NUDT4: variants seen among roughly 807,000 people sequenced by gnomAD.
The protein encoded by NUDT4 is nudix hydrolase 4.
Under a neutral mutation model 23.1 loss-of-function variants are expected in NUDT4, and 5 were observed. That is an observed-to-expected ratio of 0.22 (90% confidence interval 0.11 to 0.46). The LOEUF (loss-of-function observed/expected upper bound fraction) is 0.46. NUDT4 is among the 20% of genes least tolerant of loss of function. The pLI, the probability that NUDT4 is intolerant of heterozygous loss-of-function variation, is 0.99. For missense variants in NUDT4, 96 were observed against 211.6 expected (o/e 0.45, Z 3.39); for synonymous variants, 50 against 79.0 (o/e 0.63, Z 1.95).
intron 1 of NUDT4, among the ~76,000 whole-genome samples, chr12:93,386,476 A>T (rs934571585): frequency 2.0e-5 from 3 of 152,020 alleles, no homozygotes; most frequent in African/African-American, 7.3e-5. Context: ...GCTACTCAGG[A>T]GGCTTACGCA....
rs763654534 is a variant in NUDT4, at chr12:93,404,810, G to C, written c.*5431G>C. On this transcript the variant is annotated 3_prime_UTR_variant, in exon 5 of 5. Coordinates refer to ENST00000415493, the MANE Select transcript of NUDT4 (RefSeq NM_019094.6). ...GGTTTAAAAAATGTTTTGGGAAATA[G>C]ACATGAGCAGGGCAGAGAACTACAA... The C allele has an allele frequency of 1.3e-5, 2 of 152,016 alleles. No homozygotes were observed. Among genetic ancestry groups the C allele is most frequent in the South Asian group, 4.1e-4 (2 of 4,826 alleles). The allele number at this position is 152,016 out of a possible 1,614,324, so 9.4% of individuals were successfully genotyped here.
rs1045688190 is a variant in NUDT4, at chr12:93,384,246, CAA to C, written c.99+5827_99+5828del. Among the ~76,000 whole-genome samples, 6 of 152,034 alleles carry C rather than the reference CAA, an allele frequency of 3.9e-5. No homozygotes were observed. In the South Asian group the frequency reaches 8.3e-4, roughly 21 times the overall value. On this transcript the variant is annotated intron_variant, in intron 1 of 4. Transcript: ENST00000415493. The stretch of plus-strand genomic sequence containing the variant: ...GCAGTGGTGCAATCTCAGCTCACTG[CAA>C]ACTCTGCCTCCTGGATTCAAGCGAT...
chr12:93,398,835 G>A lies in NUDT4; in HGVS notation c.320G>A (p.Trp107Ter). The change falls in exon 4 of 5, where the codon TGG becomes TAG. Residue 107 changes from tryptophan (W) to a stop codon, truncating the protein, a stop_gained. Transcript: ENST00000415493. LOFTEE classifies it high-confidence loss of function. ...VLTVTEILED[W>*]EDSVNIGRKR... ...ACAGTCACTGAAATATTAGAAGATT[G>A]GGAAGATTCTGTTAATATTGGTAAG... 2 of 1,587,182 alleles carry A rather than the reference G, an allele frequency of 1.3e-6. No individual in the cohort carries two copies. The highest frequency in any genetic ancestry group is 1.7e-6 in the Non-Finnish European group (2 of 1,156,994).
chr12:93,387,264 G>A (rs557115996), intron 1 of NUDT4, among the ~76,000 whole-genome samples: 5 of 152,134 alleles, frequency 3.3e-5, no homozygotes, highest in East Asian at 1.9e-4. Context: ...TTTACAAAAC[G>A]TGTTTTTTCA....
chr12:93,385,941 T>TATATATATATATATA lies in NUDT4; in HGVS notation c.99+7520_99+7521insATATATATATATATA, dbSNP rs1565777284. Reference sequence around the variant, plus strand: ...ATATATATATATATAGTAAATCTTTTTATATATATATATATATATATATAT... The same window carrying TATATATATATATATA: ...ATATATATATATATAGTAAATCTTTTATATATATATATATATATATATATATATATATATATATAT... On this transcript the variant is annotated intron_variant, in intron 1 of 4. Coordinates refer to ENST00000415493, the MANE Select transcript of NUDT4 (RefSeq NM_019094.6). 1.8e-3 allele frequency among the ~76,000 whole-genome samples: 185 copies of TATATATATATATATA among 104,574 alleles called. 3 individuals are homozygous for TATATATATATATATA. The highest frequency in any genetic ancestry group is 8.1e-3 in the East Asian group (24 of 2,964). 68.6% of individuals were successfully genotyped at this position (104,574 alleles called of 152,430 possible).
At chr12:93,383,401 G>C (rs753527766) in intron 1 of NUDT4, among the ~76,000 whole-genome samples, 1 of 152,228 alleles carries the variant, frequency 6.6e-6, no homozygotes, top group Non-Finnish European at 1.5e-5. Context: ...TGCATAGTGG[G>C]TGTTTCTAAT....
rs1877701097 is a variant in NUDT4, at chr12:93,404,626, T to C, written c.*5247T>C. On this transcript the variant is annotated 3_prime_UTR_variant, in exon 5 of 5. Coordinates refer to ENST00000415493, the MANE Select transcript of NUDT4 (RefSeq NM_019094.6). ...ATACTTTGTGGTTACCAAAGAGCTA[T>C]GTGCTGCCACAGGGAGTCCTTTCAA... is the stretch of plus-strand genomic sequence containing the variant. 6.6e-6 allele frequency: 1 copy of C among 152,232 alleles called. No individual in the cohort carries two copies. Among genetic ancestry groups the C allele is most frequent in the African/African-American group, 2.4e-5 (1 of 41,458 alleles). The allele number at this position is 152,232 out of a possible 1,614,324, so 9.4% of individuals were successfully genotyped here.
In NUDT4 at chr12:93,407,935, C is replaced by T. The variant is rs1877906470; in HGVS notation, c.*8556C>T. ...ACTGCAAAGGAAAAAAATATGATACCATGAAATTAGAAATTCACTGCATTT... is the reference window on the plus strand; with the variant it reads ...ACTGCAAAGGAAAAAAATATGATACTATGAAATTAGAAATTCACTGCATTT... On this transcript the variant is annotated 3_prime_UTR_variant, in exon 5 of 5. Coordinates refer to ENST00000415493, the MANE Select transcript of NUDT4 (RefSeq NM_019094.6). 1 of 152,172 alleles carries T rather than the reference C, an allele frequency of 6.6e-6. No homozygotes were observed. Among genetic ancestry groups the T allele is most frequent in the Admixed American group, 6.5e-5 (1 of 15,282 alleles). 9.4% of individuals were successfully genotyped at this position (152,172 alleles called of 1,614,324 possible). A position where few individuals can be genotyped will look rare whatever the true frequency, so the allele number is the denominator to read the frequency against.
intron 1 of NUDT4, 45 bp from the exon 2 acceptor site, chr12:93,394,564 A>AGT (rs1485257077): frequency 5.6e-6 from 6 of 1,063,838 alleles, no homozygotes; most frequent in African/African-American, 1.6e-5. Flanking sequence ...TTATATACGA[A>AGT]GTGCTTCTCA....
Position 93,407,117 on chromosome 12 carries a change from G to C in NUDT4, c.*7738G>C, listed in dbSNP as rs1250202916. ...CCTGCCTTGGCCTCCTAAAGTGCTG[G>C]GATTACAGGCATGAGCCACTGTGCC... On this transcript the variant is annotated 3_prime_UTR_variant, in exon 5 of 5. Coordinates refer to ENST00000415493, the MANE Select transcript of NUDT4 (RefSeq NM_019094.6). 6.6e-6 allele frequency: 1 copy of C among 152,386 alleles called. No individual in the cohort carries two copies. Among genetic ancestry groups the C allele is most frequent in the African/African-American group, 2.4e-5 (1 of 41,452 alleles). The allele number at this position is 152,386 out of a possible 1,614,324, so 9.4% of individuals were successfully genotyped here.
At chr12:93,394,758 T>A in intron 2 of NUDT4, 39 bp downstream of exon 2, 1 of 1,316,192 alleles carries the variant, frequency 7.6e-7, no homozygotes, top group Non-Finnish European at 1.1e-6. Flanking sequence ...TTCGGAGTTT[T>A]AAAAACAAGG....
At position 93,393,060 on chromosome 12, in the gene NUDT4, G is replaced by T. The variant is rs1439667573; in HGVS notation, c.100-1549G>T. Among the ~76,000 whole-genome samples, 4 of 139,456 alleles carry T rather than the reference G, an allele frequency of 2.9e-5. No individual in the cohort carries two copies. In the East Asian group the frequency reaches 6.9e-4, roughly 24 times the overall value. The allele number at this position is 139,456 out of a possible 152,430, so 91.5% of individuals were successfully genotyped here. A position where few individuals can be genotyped will look rare whatever the true frequency, so the allele number is the denominator to read the frequency against. On this transcript the variant is annotated intron_variant, in intron 1 of 4. Transcript: ENST00000415493. ...TAGGATACTTGTCTAAGGTAATAGG[G>T]TATTTTTGTAACAATTTGTAGATTT...
intron 1 of NUDT4, 115 bp from the exon 2 acceptor site, chr12:93,394,494 A>G: frequency 3.5e-6 from 2 of 564,964 alleles, no homozygotes; most frequent in Non-Finnish European, 6.2e-6. Flanking sequence ...TTTTAATTAA[A>G]TTTTAAAATA....
Position 93,394,684 on chromosome 12 carries a change from C to G in NUDT4, c.175C>G (p.Pro59Ala). The change falls in exon 2 of 5, where the codon CCT becomes GCT. Residue 59 changes from proline (P) to alanine (A), a missense_variant. Coordinates refer to ENST00000415493, the MANE Select transcript of NUDT4 (RefSeq NM_019094.6). The stretch of plus-strand genomic sequence containing the variant: ...AGGAGGAATGGAACCCGAGGAGGAA[C>G]CTGGCGGTGCTGCCGTGAGGGAAGT... ...PGGGMEPEEE[P>A]GGAAVREVYE... 6.4e-7 allele frequency: 1 copy of G among 1,554,328 alleles called. No individual in the cohort carries two copies. The highest frequency in any genetic ancestry group is 8.7e-7 in the Non-Finnish European group (1 of 1,147,962).
In NUDT4 at chr12:93,404,415, T is replaced by C. The variant is rs1356934931; in HGVS notation, c.*5036T>C. ...CTGATACAGCCTGTCGGAGAGCTAC[T>C]GAGTAGTATTTTATCACAGCTGCAT... is the stretch of plus-strand genomic sequence containing the variant. On this transcript the variant is annotated 3_prime_UTR_variant, in exon 5 of 5. Transcript: ENST00000415493. 2.0e-5 allele frequency: 3 copies of C among 152,240 alleles called. No homozygotes were observed. The highest frequency in any genetic ancestry group is 4.4e-5 in the Non-Finnish European group (3 of 68,048). 9.4% of individuals were successfully genotyped at this position (152,240 alleles called of 1,614,324 possible).
chr12:93,398,846 G>A lies in NUDT4; in HGVS notation c.331G>A (p.Val111Ile), dbSNP rs1290534952. 6.4e-7 allele frequency: 1 copy of A among 1,554,080 alleles called. No individual in the cohort carries two copies. Among genetic ancestry groups the A allele is most frequent in the African/African-American group, 1.4e-5 (1 of 73,764 alleles). Reference sequence around the variant, plus strand: ...AATATTAGAAGATTGGGAAGATTCTGTTAATATTGGTAAGTTCCCTTTTGT... The same window carrying A: ...AATATTAGAAGATTGGGAAGATTCTATTAATATTGGTAAGTTCCCTTTTGT... ...TEILEDWEDS[V>I]NIGRKREWFK... The change falls in exon 4 of 5, where the codon GTT becomes ATT. Residue 111 changes from valine (V) to isoleucine (I), a missense_variant. Coordinates refer to ENST00000415493, the MANE Select transcript of NUDT4 (RefSeq NM_019094.6).
chr12:93,392,141 C>T (rs1235728389), intron 1 of NUDT4, among the ~76,000 whole-genome samples: 2 of 151,786 alleles, frequency 1.3e-5, no homozygotes, highest in African/African-American at 2.4e-5. Context: ...CTTCAGCCTC[C>T]CAAAGTGCTG....
chr12:93,378,436 G>A lies in NUDT4; in HGVS notation c.99+15G>A, dbSNP rs1321743630. ...AGGAGGACGAGGTAGGGCGCCCGGC[G>A]CCGCACGCTGCCCTCCGGGGCGCCG... On this transcript the variant is annotated intron_variant, in intron 1 of 4. Transcript: ENST00000415493. 2.0e-6 allele frequency: 3 copies of A among 1,537,874 alleles called. No individual in the cohort carries two copies. The East Asian group carries it at 7.3e-5, about 38-fold the overall frequency.
intron 1 of NUDT4, 94 bp downstream of exon 1, chr12:93,378,515 G>A: frequency 7.5e-7 from 1 of 1,341,894 alleles, no homozygotes; most frequent in South Asian, 1.7e-5. Context: ...CAGGCTGCGG[G>A]GCTGGGAGGG....
Sources: allele counts gnomAD v4.1 joint callset (sites outside exome capture counted in the v4.1 genomes callset), GRCh38; gene constraint gnomAD v4.1.1; transcripts MANE v1.5; gene names NCBI Gene and HGNC (gene_info 2026-07-23, HGNC 2026-07-21).